The following SLC8A1 variants were observed in gnomAD, a reference collection of about 807,000 sequenced individuals.
SLC8A1 encodes the protein sodium/calcium exchanger 1.
Under a neutral mutation model 68.3 loss-of-function variants are expected in SLC8A1, and 18 were observed. The observed-to-expected ratio is 0.26, with a 90% CI of 0.18 to 0.39. The LOEUF (loss-of-function observed/expected upper bound fraction) is 0.39. Among genes scored for constraint, SLC8A1 ranks in the 10% least tolerant of loss-of-function variants. The pLI, the probability that SLC8A1 is intolerant of heterozygous loss-of-function variation, is 1.00. For missense variants in SLC8A1, 985 were observed against 1,156.7 expected (o/e 0.85, Z 2.15); for synonymous variants, 475 against 415.5 (o/e 1.14, Z -1.74).
chr2:40,449,312 T>A (rs1240949548), intron 1 of SLC8A1, among the ~76,000 whole-genome samples: 1 of 152,174 alleles, frequency 6.6e-6, no homozygotes, highest in East Asian at 1.9e-4. Flanking sequence ...GCACAGCTTT[T>A]CTCATCATTT....
rs185930713 is a variant in SLC8A1, at chr2:40,318,793, C to T, written c.1808+109680G>A. On this transcript the variant is annotated intron_variant, in intron 2 of 7. Transcript: ENST00000406785. ...GGAAGTTACACAAGGCTCTATCAGA[C>T]GAAAGCCTACCAGCTATATCAAGTG... Among the ~76,000 whole-genome samples, 4 of 152,224 alleles carry T rather than the reference C, an allele frequency of 2.6e-5. No individual in the cohort carries two copies. In the East Asian group the frequency reaches 5.8e-4, roughly 22 times the overall value.
intron 7 of SLC8A1, among the ~76,000 whole-genome samples, chr2:40,135,779 A>G (rs558484402): frequency 9.4e-4 from 143 of 152,278 alleles, no homozygotes; most frequent in Non-Finnish European, 1.8e-3. Flanking sequence ...TGGGGAGGAG[A>G]AAAAGGAATC....
rs2041209623 is a variant in SLC8A1 at position 40,139,761 on chromosome 2, T to G, written c.2162-85A>C. 3 of 1,423,974 alleles carry G rather than the reference T, an allele frequency of 2.1e-6. No homozygotes were observed. The South Asian group carries it at 3.9e-5, about 19-fold the overall frequency. The allele number at this position is 1,423,974 out of a possible 1,614,324, so 88.2% of individuals were successfully genotyped here. On this transcript the variant is annotated intron_variant, in intron 6 of 7. Coordinates refer to ENST00000406785, the Ensembl canonical transcript of SLC8A1. Reference sequence around the variant, plus strand: ...TCTCAATCTCTCCTATCTAGGTCGGTCATCCCTCCACTCTGTGACAGGAGG... The same window carrying G: ...TCTCAATCTCTCCTATCTAGGTCGGGCATCCCTCCACTCTGTGACAGGAGG...
chr2:40,175,748 C>A (rs1026296048), intron 3 of SLC8A1, among the ~76,000 whole-genome samples: 3 of 152,042 alleles, frequency 2.0e-5, no homozygotes, highest in Admixed American at 1.3e-4. Context: ...AGGTATCACA[C>A]CTTTTATTCA....
At chr2:40,436,122 T>A (rs2149809122) in intron 1 of SLC8A1, among the ~76,000 whole-genome samples, 1 of 152,228 alleles carries the variant, frequency 6.6e-6, no homozygotes, top group South Asian at 2.1e-4. Flanking sequence ...TTCTATTTAT[T>A]GTCTTTCTCT....
chr2:40,185,305 G>A (rs2050501131), intron 2 of SLC8A1, among the ~76,000 whole-genome samples: 1 of 152,190 alleles, frequency 6.6e-6, no homozygotes, highest in Non-Finnish European at 1.5e-5. Context: ...TTTCATCGCA[G>A]CATTATTCAT....
intron 4 of SLC8A1, among the ~76,000 whole-genome samples, chr2:40,168,660 A>G (rs2046955258): frequency 6.6e-6 from 1 of 152,166 alleles, no homozygotes; most frequent in South Asian, 2.1e-4. Context: ...AATTTTAATC[A>G]TCTATTTTGT....
intron 2 of SLC8A1, among the ~76,000 whole-genome samples, chr2:40,414,305 T>C (rs1475404832): frequency 6.6e-6 from 1 of 152,276 alleles, no homozygotes; most frequent in South Asian, 2.1e-4. Context: ...GAAGCAAACA[T>C]CTGTACACAT....
chr2:40,255,436 T>C (rs186532526), intron 2 of SLC8A1, among the ~76,000 whole-genome samples: 2 of 152,282 alleles, frequency 1.3e-5, no homozygotes, highest in Non-Finnish European at 2.9e-5. Flanking sequence ...ATGTACAACA[T>C]TTCTTCTAAA....
At chr2:40,334,839 C>T (rs902196182) in intron 2 of SLC8A1, among the ~76,000 whole-genome samples, 1 of 152,168 alleles carries the variant, frequency 6.6e-6, no homozygotes, top group Non-Finnish European at 1.5e-5. Context: ...GCCAGTCCCT[C>T]GGCCATACTG....
chr2:40,419,510 C>A (rs1031741191), intron 2 of SLC8A1, among the ~76,000 whole-genome samples: 7 of 152,060 alleles, frequency 4.6e-5, no homozygotes, highest in African/African-American at 1.4e-4. Context: ...ACCTCTCCTT[C>A]TTACTCACCC....
chr2:40,109,191 C>T (rs1407367516), exon 8 of SLC8A1: 1 of 152,124 alleles, frequency 6.6e-6, no homozygotes, highest in Non-Finnish European at 1.5e-5. Flanking sequence ...TTAATGTGAA[C>T]TTTTCTACCA....
intron 2 of SLC8A1, among the ~76,000 whole-genome samples, chr2:40,364,633 G>A (rs1169233259): frequency 2.0e-5 from 3 of 151,864 alleles, no homozygotes; most frequent in African/African-American, 7.3e-5. Context: ...CGGCAGATGA[G>A]AAACGTACCA....
chr2:40,303,554 G>A (rs532476671), intron 2 of SLC8A1, among the ~76,000 whole-genome samples: 3 of 152,274 alleles, frequency 2.0e-5, no homozygotes, highest in African/African-American at 7.2e-5. Flanking sequence ...GAACCTCTAG[G>A]TATCTGATTG....
At chr2:40,325,813 G>A (rs2075762288) in intron 2 of SLC8A1, among the ~76,000 whole-genome samples, 1 of 149,134 alleles carries the variant, frequency 6.7e-6, no homozygotes, top group Non-Finnish European at 1.5e-5. Context: ...AAGTAGCTGA[G>A]CGTGGTGGCA....
intron 7 of SLC8A1, among the ~76,000 whole-genome samples, chr2:40,135,856 G>C (rs577823624): frequency 2.6e-5 from 4 of 152,310 alleles, no homozygotes; most frequent in African/African-American, 7.2e-5. Flanking sequence ...AGTAGGTTTG[G>C]TTAAAGGATA....
intron 1 of SLC8A1, among the ~76,000 whole-genome samples, chr2:40,501,200 G>C (rs1284149190): frequency 6.6e-6 from 1 of 151,782 alleles, no homozygotes; most frequent in Admixed American, 6.6e-5. Context: ...ATCTAAAACT[G>C]CTTTCTTTTC....
intron 1 of SLC8A1, among the ~76,000 whole-genome samples, chr2:40,491,347 T>A (rs1705305172): frequency 6.6e-6 from 1 of 152,028 alleles, no homozygotes; most frequent in Non-Finnish European, 1.5e-5. Context: ...ATCCTGAGAC[T>A]TTGCTGAAGT....
chr2:40,456,254 T>G (rs1311209796), upstream of SLC8A1, among the ~76,000 whole-genome samples: 1 of 142,586 alleles, frequency 7.0e-6, no homozygotes, highest in Non-Finnish European at 1.5e-5. Context: ...AGGCGGAGCT[T>G]GCAGTGAGCA....
Sources: allele counts gnomAD v4.1 joint callset (sites outside exome capture counted in the v4.1 genomes callset), GRCh38; gene constraint gnomAD v4.1.1; transcripts MANE v1.5; gene names NCBI Gene and HGNC (gene_info 2026-07-23, HGNC 2026-07-21).